Variants in ZCWPW2 observed in about 807,000 individuals in gnomAD.
ZCWPW2 encodes zinc finger CW-type PWWP domain protein 2.
In ZCWPW2, 45 loss-of-function variants were observed where a neutral mutation model predicts 46.6. The observed-to-expected ratio is 0.96, with a 90% CI of 0.76 to 1.24. The LOEUF (loss-of-function observed/expected upper bound fraction) is 1.24. Ranked by LOEUF, ZCWPW2 falls within the 50% of genes most tolerant of loss-of-function variation. ZCWPW2 has a pLI of 0.00. For missense variants in ZCWPW2, 429 were observed against 403.9 expected (o/e 1.06, Z -0.53); for synonymous variants, 152 against 137.1 (o/e 1.11, Z -0.76).
intron 2 of ZCWPW2, among the ~76,000 whole-genome samples, chr3:28,400,243 A>G (rs1167699056): frequency 3.3e-5 from 5 of 152,194 alleles, no homozygotes; most frequent in African/African-American, 1.2e-4. Context: ...AAAAAACAAC[A>G]ACAACAAAAA....
Position 28,446,918 on chromosome 3 carries a change from A to G in ZCWPW2, c.492+11649A>G, listed in dbSNP as rs146416894. On this transcript the variant is annotated intron_variant, in intron 4 of 9. Coordinates refer to ENST00000383768, the MANE Select transcript of ZCWPW2 (RefSeq NM_001040432.4). Reference sequence around the variant, plus strand: ...CAGCAATGAATTGGATAACCTAGACAAAATGGACAAATTCCTGGAAACACA... The same window carrying G: ...CAGCAATGAATTGGATAACCTAGACGAAATGGACAAATTCCTGGAAACACA... 2.5e-3 allele frequency among the ~76,000 whole-genome samples: 386 copies of G among 152,262 alleles called. 1 individual carries two copies. Among genetic ancestry groups the G allele is most frequent in the African/African-American group, 8.4e-3 (350 of 41,568 alleles).
intron 3 of ZCWPW2, among the ~76,000 whole-genome samples, chr3:28,426,273 G>C (rs1215645433): frequency 6.6e-6 from 1 of 151,470 alleles, no homozygotes; most frequent in Non-Finnish European, 1.5e-5. Flanking sequence ...ATATGCTATT[G>C]TATTTGGCTA....
In ZCWPW2 at chr3:28,478,895, C is replaced by G; in HGVS notation, c.574C>G (p.Gln192Glu). The G allele has an allele frequency of 1.3e-6, 2 of 1,586,630 alleles. No individual in the cohort carries two copies. The highest frequency in any genetic ancestry group is 3.7e-5 in the Admixed American group (2 of 54,038). The change falls in exon 5 of 10, where the codon CAA becomes GAA. Residue 192 changes from glutamine to glutamate, a missense_variant. Physicochemically the swap from Gln to Glu is conservative, Grantham distance 29. Coordinates refer to ENST00000383768, the MANE Select transcript of ZCWPW2 (RefSeq NM_001040432.4). Reference sequence around the variant, plus strand: ...TCTACTCTATGGATATTCTCATGAGCAAAGACTGGAAATGTGCTGCCTATC... The same window carrying G: ...TCTACTCTATGGATATTCTCATGAGGAAAGACTGGAAATGTGCTGCCTATC... ...ACLLYGYSHE[Q>E]RLEMCCLSKL... is the part of the protein sequence containing the mutation.
In ZCWPW2 at chr3:28,457,014, C is replaced by T. The variant is rs566979278; in HGVS notation, c.492+21745C>T. On this transcript the variant is annotated intron_variant, in intron 4 of 9. Transcript: ENST00000383768. ...ATGAGTTAGGGAGGAGTCCCTCCTT[C>T]TCTATTTTTTGGAATAGTGTCAGTA... is the stretch of plus-strand genomic sequence containing the variant. 1.1e-3 allele frequency among the ~76,000 whole-genome samples: 175 copies of T among 152,202 alleles called. 1 individual carries two copies. The highest frequency in any genetic ancestry group is 3.9e-3 in the African/African-American group (162 of 41,526).
intron 6 of ZCWPW2, among the ~76,000 whole-genome samples, chr3:28,512,497 A>G (rs1700454064): frequency 6.6e-6 from 1 of 152,020 alleles, no homozygotes; most frequent in African/African-American, 2.4e-5. Context: ...ATTCTGGAAT[A>G]TTCTTAGTCA....
intron 1 of ZCWPW2, among the ~76,000 whole-genome samples, chr3:28,352,813 G>A (rs983910558): frequency 6.6e-6 from 1 of 151,968 alleles, no homozygotes; most frequent in African/African-American, 2.4e-5. Context: ...TTTATTTTTG[G>A]GTATATGGCC....
Position 28,352,714 on chromosome 3 carries a change from G to A in ZCWPW2, c.-134+3511G>A, listed in dbSNP as rs562874178. 7.9e-5 allele frequency among the ~76,000 whole-genome samples: 12 copies of A among 152,178 alleles called. No individual in the cohort carries two copies. The South Asian group carries it at 8.3e-4, about 11-fold the overall frequency. On this transcript the variant is annotated intron_variant, in intron 1 of 9. Transcript: ENST00000383768. ...ATGATTATTGCTATAACCAGAAATC[G>A]TTACACTTGCAAATGTTTGGAATGG... is the stretch of plus-strand genomic sequence containing the variant.
intron 6 of ZCWPW2, among the ~76,000 whole-genome samples, chr3:28,504,942 A>T (rs1700237739): frequency 1.3e-5 from 2 of 152,164 alleles, no homozygotes; most frequent in Admixed American, 1.3e-4. Context: ...CTGGATTTTC[A>T]TGGTCTATCT....
intron 4 of ZCWPW2, among the ~76,000 whole-genome samples, chr3:28,451,799 G>A (rs1403539235): frequency 6.6e-6 from 1 of 152,106 alleles, no homozygotes; most frequent in Non-Finnish European, 1.5e-5. Flanking sequence ...GAGTGAAACA[G>A]GATACAGATT....
intron 4 of ZCWPW2, among the ~76,000 whole-genome samples, chr3:28,442,480 G>C (rs1045189009): frequency 6.6e-6 from 1 of 152,226 alleles, no homozygotes; most frequent in Non-Finnish European, 1.5e-5. Context: ...TCTCATGGAA[G>C]TGAAAAGCGA....
rs186785167 is a variant in ZCWPW2, at chr3:28,441,548, A to G, written c.492+6279A>G. Among the ~76,000 whole-genome samples the G allele has an allele frequency of 2.2e-4, 33 of 152,200 alleles. No homozygotes were observed. The East Asian group carries it at 5.2e-3, about 24-fold the overall frequency. On this transcript the variant is annotated intron_variant, in intron 4 of 9. Transcript: ENST00000383768. ...TGGTGCCTGCATATGGTGCAGAACC[A>G]TCTCTTCTTCTGTCAACTGATCATA... is the stretch of plus-strand genomic sequence containing the variant.
chr3:28,449,375 A>T (rs889506473), intron 4 of ZCWPW2, among the ~76,000 whole-genome samples: 2 of 152,238 alleles, frequency 1.3e-5, no homozygotes, highest in African/African-American at 4.8e-5. Flanking sequence ...GACATGACAC[A>T]TCATGAAAGA....
At chr3:28,421,406 A>AT (rs1329353197) in intron 3 of ZCWPW2, among the ~76,000 whole-genome samples, 3 of 152,166 alleles carry the variant, frequency 2.0e-5, no homozygotes, top group Non-Finnish European at 4.4e-5. Flanking sequence ...TTTGCAGTCC[A>AT]GGCTCACCAC....
chr3:28,387,536 G>A (rs1156546176), intron 1 of ZCWPW2, among the ~76,000 whole-genome samples: 1 of 152,082 alleles, frequency 6.6e-6, no homozygotes, highest in Non-Finnish European at 1.5e-5. Flanking sequence ...TGCAAAAATA[G>A]TAGAAAGACT....
At chr3:28,377,052 T>A (rs1282900823) in intron 1 of ZCWPW2, among the ~76,000 whole-genome samples, 3 of 151,034 alleles carry the variant, frequency 2.0e-5, no homozygotes, top group Admixed American at 6.7e-5. Context: ...TTTTCCAATA[T>A]TGAACTCACT....
At chr3:28,425,544 C>T (rs1204740387) in intron 3 of ZCWPW2, among the ~76,000 whole-genome samples, 2 of 152,082 alleles carry the variant, frequency 1.3e-5, no homozygotes, top group African/African-American at 4.8e-5. Flanking sequence ...TCTCTTTAGC[C>T]CATGGCCTTA....
rs1298502305 is a variant in ZCWPW2, at chr3:28,520,894, C to A, written c.785-98C>A. 3.6e-6 allele frequency: 5 copies of A among 1,391,000 alleles called. No homozygotes were observed. In the Admixed American group the frequency reaches 1.1e-4, roughly 29 times the overall value. The allele number at this position is 1,391,000 out of a possible 1,614,324, so 86.2% of individuals were successfully genotyped here. A position where few individuals can be genotyped will look rare whatever the true frequency, so the allele number is the denominator to read the frequency against. ...GAAACATTTATATTTTACCTTGTAG[C>A]ATTTAAAAGATTTCTTCTTTCTGGG... On this transcript the variant is annotated intron_variant, in intron 8 of 9. Coordinates refer to ENST00000383768, the MANE Select transcript of ZCWPW2 (RefSeq NM_001040432.4).
At chr3:28,360,349 CAAAAA>C (rs71087692) in intron 1 of ZCWPW2, among the ~76,000 whole-genome samples, 160 of 53,918 alleles carry the variant, frequency 3.0e-3, no homozygotes, top group African/African-American at 0.011. Context: ...ACTAAAAATA[CAAAAA>C]AAAAAAAAAA....
At chr3:28,498,154 G>T (rs2125822051) in intron 6 of ZCWPW2, among the ~76,000 whole-genome samples, 1 of 151,958 alleles carries the variant, frequency 6.6e-6, no homozygotes, top group African/African-American at 2.4e-5. Flanking sequence ...AGTGTACCCA[G>T]CTGATGGTGT....
Sources: gnomAD v4.1 joint callset for allele counts (sites outside exome capture counted in the v4.1 genomes callset) on GRCh38, gnomAD v4.1.1 for gene constraint, MANE v1.5 for transcripts, NCBI Gene and HGNC (gene_info 2026-07-23, HGNC 2026-07-21) for gene names.